Variants in STK17A observed in about 807,000 individuals in gnomAD.
STK17A encodes serine/threonine-protein kinase 17A.
In STK17A, 26 loss-of-function variants were observed where a neutral mutation model predicts 43.7. That is an observed-to-expected ratio of 0.60 (90% CI 0.44 to 0.83). The LOEUF (loss-of-function observed/expected upper bound fraction) is 0.83. Among genes scored for constraint, STK17A ranks in the 40% least tolerant of loss-of-function variants. STK17A has a pLI of 0.00. For synonymous variants in STK17A, 191 were observed against 182.5 expected, an observed-to-expected ratio of 1.05 and a Z score of -0.38; for missense variants, 476 against 511.6, an observed-to-expected ratio of 0.93 and a Z score of 0.67.
At chr7:43,610,461 T>TGA (rs1309563677) in intron 3 of STK17A, among the ~76,000 whole-genome samples, 1 of 146,592 alleles carries the variant, frequency 6.8e-6, no homozygotes, top group Non-Finnish European at 1.5e-5. Flanking sequence ...AGGTCAGGAG[T>TGA]TCAAGACCAG....
Position 43,583,160 on chromosome 7 carries a change from G to C in STK17A, c.-84G>C. 1 of 1,444,340 alleles carries C rather than the reference G, an allele frequency of 6.9e-7. No homozygotes were observed. Among genetic ancestry groups the C allele is most frequent in the Non-Finnish European group, 9.3e-7 (1 of 1,071,232 alleles). The allele number at this position is 1,444,340 out of a possible 1,614,324, so 89.5% of individuals were successfully genotyped here. ...CGGGTGTTTGAAGGCTCCGCGGACC[G>C]GCACTAGGAGCCGGGGGCGGGTCCG... On this transcript the variant is annotated 5_prime_UTR_variant, in exon 1 of 7. Transcript: ENST00000319357.
intron 2 of STK17A, among the ~76,000 whole-genome samples, chr7:43,597,512 G>T (rs533390971): frequency 2.0e-5 from 3 of 152,126 alleles, no homozygotes; most frequent in Admixed American, 2.0e-4. Context: ...CCCCCAAGTA[G>T]CTAGGATTAC....
chr7:43,603,147 T>C (rs1193951348), intron 2 of STK17A, among the ~76,000 whole-genome samples: 2 of 152,198 alleles, frequency 1.3e-5, no homozygotes, highest in Non-Finnish European at 2.9e-5. Context: ...GTTAGATAAA[T>C]AATAAAAATA....
chr7:43,615,543 T>G (rs2083268166), intron 3 of STK17A, among the ~76,000 whole-genome samples: 1 of 152,234 alleles, frequency 6.6e-6, no homozygotes, highest in Admixed American at 6.5e-5. Context: ...GTCTGAGGAC[T>G]CATAGTCATG....
At chr7:43,602,151 C>T (rs75881624) in intron 2 of STK17A, among the ~76,000 whole-genome samples, 2,838 of 152,246 alleles carry the variant, frequency 0.019, 95 homozygotes, top group African/African-American at 0.065. Context: ...CTTTAATTCT[C>T]ATCCTTTCTT....
In STK17A at chr7:43,583,399, CG is replaced by C; in HGVS notation, c.157del (p.Glu53SerfsTer23). 6.9e-7 allele frequency: 1 copy of C among 1,440,358 alleles called. No homozygotes were observed. The highest frequency in any genetic ancestry group is 9.1e-7 in the Non-Finnish European group (1 of 1,095,286). The allele number at this position is 1,440,358 out of a possible 1,614,324, so 89.2% of individuals were successfully genotyped here. On this transcript the variant is annotated frameshift_variant, in exon 1 of 7. Transcript: ENST00000319357. LOFTEE classifies it high-confidence loss of function. ...LTEIRAVVRT[E>X]PFQDGYSLCP... Reference sequence around the variant, plus strand: ...CAGAGATACGCGCCGTGGTGCGCACCGAGCCCTTCCAGGACGGCTACAGCCT... The same window carrying C: ...CAGAGATACGCGCCGTGGTGCGCACCAGCCCTTCCAGGACGGCTACAGCCT...
chr7:43,593,569 A>G (rs2082493822), intron 1 of STK17A, among the ~76,000 whole-genome samples: 1 of 152,166 alleles, frequency 6.6e-6, no homozygotes, highest in Middle Eastern at 3.2e-3. Flanking sequence ...TTTTACTAAT[A>G]GCCATTCCAA....
intron 3 of STK17A, 64 bp from the exon 4 acceptor site, chr7:43,619,533 G>A: frequency 6.4e-7 from 1 of 1,560,112 alleles, no homozygotes; most frequent in Non-Finnish European, 8.7e-7. Flanking sequence ...TGTTTTATGG[G>A]CTGCATGTTT....
chr7:43,586,321 A>G (rs1020952069), intron 1 of STK17A, among the ~76,000 whole-genome samples: 1 of 151,638 alleles, frequency 6.6e-6, no homozygotes. Flanking sequence ...ATGACTGTTC[A>G]AAGAGAATTT....
At chr7:43,610,539 C>T (rs191075322) in intron 3 of STK17A, among the ~76,000 whole-genome samples, 179 of 150,530 alleles carry the variant, frequency 1.2e-3, no homozygotes, top group African/African-American at 3.3e-3. Context: ...TGGTGGCGCA[C>T]GCCTATAGTC....
chr7:43,603,141 G>A (rs2082566365), intron 2 of STK17A, among the ~76,000 whole-genome samples: 2 of 152,138 alleles, frequency 1.3e-5, no homozygotes, highest in African/African-American at 2.4e-5. Flanking sequence ...GCTACTGTTA[G>A]ATAAATAATA....
chr7:43,596,201 C>T (rs2082514437), intron 2 of STK17A, 88 bp downstream of exon 2: 1 of 1,224,022 alleles, frequency 8.2e-7, no homozygotes, highest in Admixed American at 2.6e-5. Context: ...TGTTGCCAGG[C>T]CTGGTTCTCT....
intron 3 of STK17A, among the ~76,000 whole-genome samples, chr7:43,611,014 G>A (rs536834838): frequency 5.3e-4 from 80 of 152,254 alleles, no homozygotes; most frequent in African/African-American, 1.7e-3. Context: ...CTACTTGGGA[G>A]GCTGAGGCAG....
Position 43,608,306 on chromosome 7 carries a change from C to A in STK17A, c.470C>A (p.Ala157Asp), listed in dbSNP as rs1388223267. The change falls in exon 3 of 7, where the codon GCC (alanine) becomes GAC (aspartate). Residue 157 changes from alanine to aspartate, a missense_variant. This residue lies in a region of STK17A where 320 missense variants were observed against 326.3 expected (regional missense o/e 0.98). Transcript: ENST00000319357. The part of the protein sequence containing the change: ...FDQCVADREE[A>D]FKEKDVQRLM... The stretch of plus-strand genomic sequence containing the variant: ...CAGTGTGTTGCAGACAGAGAAGAAG[C>A]CTTTAAAGAAAAAGATGTTCAAAGA... 6.2e-7 allele frequency: 1 copy of A among 1,613,852 alleles called. No homozygotes were observed.
In STK17A at chr7:43,610,832, A is replaced by G. The variant is rs1272490857; in HGVS notation, c.564+2432A>G. 3.3e-5 allele frequency among the ~76,000 whole-genome samples: 5 copies of G among 150,658 alleles called. No individual in the cohort carries two copies. The East Asian group carries it at 1.0e-3, about 30-fold the overall frequency. ...AAGGCGCACTCTCAAGAAGGAGTGT[A>G]CAGGCTGGGCGCAGTGGCTCATGCC... On this transcript the variant is annotated intron_variant, in intron 3 of 6. Transcript: ENST00000319357.
Position 43,626,627 on chromosome 7 carries a change from T to A in STK17A, c.*1785T>A, listed in dbSNP as rs535777303. ...AGTTAAACACAGTATTAGGCAAATATTTATCTCTCTGAAAAAATAGGGAGG... is the reference window on the plus strand; with the variant it reads ...AGTTAAACACAGTATTAGGCAAATAATTATCTCTCTGAAAAAATAGGGAGG... On this transcript the variant is annotated 3_prime_UTR_variant, in exon 7 of 7. Transcript: ENST00000319357. 2.0e-5 allele frequency: 3 copies of A among 152,244 alleles called. No individual in the cohort carries two copies. Among genetic ancestry groups the A allele is most frequent in the Admixed American group, 6.5e-5 (1 of 15,290 alleles). The allele number at this position is 152,244 out of a possible 1,614,324, so 9.4% of individuals were successfully genotyped here.
intron 2 of STK17A, among the ~76,000 whole-genome samples, chr7:43,605,536 G>C (rs1393377842): frequency 1.3e-5 from 2 of 152,046 alleles, no homozygotes; most frequent in African/African-American, 2.4e-5. Flanking sequence ...AGACTTCAAA[G>C]TACTATTGAG....
rs2084631172 is a variant in STK17A, at chr7:43,627,044, A to T, written c.*2202A>T. Among the ~76,000 whole-genome samples the T allele has an allele frequency of 6.6e-6, 1 of 152,210 alleles. No individual in the cohort carries two copies. Among genetic ancestry groups the T allele is most frequent in the South Asian group, 2.1e-4 (1 of 4,828 alleles). ...GCTCTACACTTATCTAAAGCTGTTAATGTTCCTTTTTTTCTATCACCAAAT... is the reference window on the plus strand; with the variant it reads ...GCTCTACACTTATCTAAAGCTGTTATTGTTCCTTTTTTTCTATCACCAAAT... On this transcript the variant is annotated 3_prime_UTR_variant, in exon 7 of 7. Transcript: ENST00000319357.
chr7:43,583,233 G>T lies in STK17A; in HGVS notation c.-11G>T. ...GAACAGGCGGCCAGGAAAGAAGCGG[G>T]CCTGAACACCATGATCCCTTTGGAG... On this transcript the variant is annotated 5_prime_UTR_variant, in exon 1 of 7. Coordinates refer to ENST00000319357, the MANE Select transcript of STK17A (RefSeq NM_004760.3). 1 of 1,555,522 alleles carries T rather than the reference G, an allele frequency of 6.4e-7. No individual in the cohort carries two copies. Among genetic ancestry groups the T allele is most frequent in the African/African-American group, 1.4e-5 (1 of 70,120 alleles).
Sources: allele counts gnomAD v4.1 joint callset (sites outside exome capture counted in the v4.1 genomes callset), GRCh38; gene constraint gnomAD v4.1.1; regional missense constraint gnomAD v4.1.1; transcripts MANE v1.5; gene names NCBI Gene and HGNC (gene_info 2026-07-23, HGNC 2026-07-21).